Variants in ATP8B4 observed in about 807,000 individuals in gnomAD.
ATP8B4 encodes the protein ATPase phospholipid transporting 8B4 (putative).
Under a neutral mutation model 145.6 loss-of-function variants are expected in ATP8B4, and 133 were observed. That is an observed-to-expected ratio of 0.91 (90% CI 0.79 to 1.05). The LOEUF is 1.05. Ranked by LOEUF, ATP8B4 falls within the 50% of genes least tolerant of loss-of-function variation. ATP8B4 has a pLI of 0.00. For synonymous variants in ATP8B4, 507 were observed against 492.9 expected (o/e 1.03, Z -0.38); for missense variants, 1,458 against 1,425.2 (o/e 1.02, Z -0.37).
At chr15:50,166,133 A>G (rs2044596015) in intron 1 of ATP8B4, among the ~76,000 whole-genome samples, 1 of 152,180 alleles carries the variant, frequency 6.6e-6, no homozygotes, top group Non-Finnish European at 1.5e-5. Flanking sequence ...TGATATCTTG[A>G]AAGTACCAAA....
intron 7 of ATP8B4, among the ~76,000 whole-genome samples, chr15:50,003,520 A>G (rs142524397): frequency 3.9e-5 from 6 of 152,218 alleles, no homozygotes; most frequent in Non-Finnish European, 8.8e-5. Flanking sequence ...TTGGGCCAAA[A>G]ACTACCCATC....
rs780182793 is a variant in ATP8B4 at position 50,016,973 on chromosome 15, C to T, written c.363-6056G>A. ...TGTTGCCAAGGCTGGTCTTGAACTC[C>T]TGGCTTCAAGTGATTTTCCCGCCTC... On this transcript the variant is annotated intron_variant, in intron 6 of 27. Coordinates refer to ENST00000284509, the MANE Select transcript of ATP8B4 (RefSeq NM_024837.4). Among the ~76,000 whole-genome samples, 8 of 152,152 alleles carry T rather than the reference C, an allele frequency of 5.3e-5. No homozygotes were observed. In the East Asian group the frequency reaches 1.5e-3, roughly 29 times the overall value.
chr15:49,956,059 G>A lies in ATP8B4; in HGVS notation c.1287+5918C>T, dbSNP rs944528958. On this transcript the variant is annotated intron_variant, in intron 14 of 27. Transcript: ENST00000284509. The stretch of plus-strand genomic sequence containing the variant: ...AATAAAGAACAGAAAAAAATAGTGG[G>A]AAAAGATTCAATAGTAAATATGATC... Among the ~76,000 whole-genome samples, 39 of 152,068 alleles carry A rather than the reference G, an allele frequency of 2.6e-4. 2 individuals are homozygous for A. Among genetic ancestry groups the A allele is most frequent in the Middle Eastern group, 3.2e-3 (1 of 316 alleles).
chr15:50,002,079 A>T, intron 8 of ATP8B4, 74 bp downstream of exon 8: 1 of 1,238,370 alleles, frequency 8.1e-7, no homozygotes, highest in Non-Finnish European at 1.1e-6. Flanking sequence ...GAACAAGGTT[A>T]AGTCTTATCT....
intron 2 of ATP8B4, among the ~76,000 whole-genome samples, chr15:50,103,369 T>G (rs2056485712): frequency 6.6e-6 from 1 of 152,162 alleles, no homozygotes; most frequent in African/African-American, 2.4e-5. Context: ...AAAAAGCTCC[T>G]AGAAACGGTA....
At chr15:49,881,652 T>G (rs905775983) in intron 23 of ATP8B4, among the ~76,000 whole-genome samples, 2 of 152,104 alleles carry the variant, frequency 1.3e-5, no homozygotes, top group Non-Finnish European at 2.9e-5. Context: ...AGTCCACTAG[T>G]CAGGCAACCA....
intron 10 of ATP8B4, 60 bp from the exon 11 acceptor site, chr15:49,981,354 T>C: frequency 3.9e-6 from 5 of 1,294,610 alleles, no homozygotes; most frequent in Non-Finnish European, 5.4e-6. Flanking sequence ...TTCTTATTAA[T>C]GCTCATATCA....
rs556135546 is a variant in ATP8B4, at chr15:50,081,091, G to C, written c.29-6906C>G. 4.2e-3 allele frequency among the ~76,000 whole-genome samples: 639 copies of C among 150,396 alleles called. 3 individuals are homozygous for C. The highest frequency in any genetic ancestry group is 0.017 in the Middle Eastern group (5 of 294). On this transcript the variant is annotated intron_variant, in intron 2 of 27. Coordinates refer to ENST00000284509, the MANE Select transcript of ATP8B4 (RefSeq NM_024837.4). ...TCACGCCACTGCACTCCAGCCTGGG[G>C]GACAGAGCGAGACTACGTCTCAAGA...
At chr15:49,976,117 T>G (rs2045636379) in intron 12 of ATP8B4, among the ~76,000 whole-genome samples, 1 of 152,166 alleles carries the variant, frequency 6.6e-6, no homozygotes. Flanking sequence ...ACTATTTGGA[T>G]GGTAGCAGTT....
chr15:50,151,908 A>G (rs141122735), intron 1 of ATP8B4, among the ~76,000 whole-genome samples: 279 of 152,330 alleles, frequency 1.8e-3, no homozygotes, highest in Middle Eastern at 6.8e-3. Flanking sequence ...CTTTACCAAA[A>G]TGTTGTAAAC....
intron 13 of ATP8B4, among the ~76,000 whole-genome samples, chr15:49,963,976 C>T (rs1003098900): frequency 6.6e-6 from 1 of 151,886 alleles, no homozygotes; most frequent in African/African-American, 2.4e-5. Context: ...TTATAATAAA[C>T]TTGCAAAGTG....
intron 14 of ATP8B4, among the ~76,000 whole-genome samples, chr15:49,940,611 G>A (rs1413130160): frequency 1.3e-5 from 2 of 152,042 alleles, no homozygotes; most frequent in Non-Finnish European, 2.9e-5. Context: ...AAATGAGGGT[G>A]GTTTATTTGG....
chr15:50,098,126 AG>A (rs2056103262), intron 2 of ATP8B4, among the ~76,000 whole-genome samples: 1 of 152,176 alleles, frequency 6.6e-6, no homozygotes, highest in Non-Finnish European at 1.5e-5. Context: ...GGGCAAACCC[AG>A]TAAATTCTTA....
chr15:50,086,668 ATATT>A (rs1205770280), intron 2 of ATP8B4, among the ~76,000 whole-genome samples: 4 of 112,734 alleles, frequency 3.5e-5, no homozygotes, highest in Admixed American at 1.0e-4. Context: ...ATAGAGATCT[ATATT>A]TATTATATAT....
At chr15:50,134,535 C>T (rs1595634019) in intron 1 of ATP8B4, among the ~76,000 whole-genome samples, 1 of 152,102 alleles carries the variant, frequency 6.6e-6, no homozygotes, top group East Asian at 1.9e-4. Context: ...CAAAGAACAT[C>T]AAATACTGTA....
At chr15:50,134,241 A>G (rs1158907136) in intron 1 of ATP8B4, among the ~76,000 whole-genome samples, 1 of 152,158 alleles carries the variant, frequency 6.6e-6, no homozygotes, top group African/African-American at 2.4e-5. Flanking sequence ...AAAAATTAAA[A>G]GTTGGAGTTT....
intron 1 of ATP8B4, among the ~76,000 whole-genome samples, chr15:50,160,340 T>A (rs1423466421): frequency 6.6e-6 from 1 of 151,938 alleles, no homozygotes; most frequent in Non-Finnish European, 1.5e-5. Context: ...AAAATTTCAT[T>A]TCATTGATCT....
intron 1 of ATP8B4, among the ~76,000 whole-genome samples, chr15:50,110,906 T>TA (rs1436211946): frequency 7.4e-6 from 1 of 134,970 alleles, no homozygotes; most frequent in Non-Finnish European, 1.6e-5. Flanking sequence ...CTTCCATAAA[T>TA]ACTTTTTTTT....
chr15:50,057,351 T>C (rs1163768486), intron 3 of ATP8B4, among the ~76,000 whole-genome samples: 1 of 152,192 alleles, frequency 6.6e-6, no homozygotes. Flanking sequence ...CTTTGAACAG[T>C]TGTGAGGGTT....
Sources: allele counts gnomAD v4.1 joint callset (sites outside exome capture counted in the v4.1 genomes callset), GRCh38; gene constraint gnomAD v4.1.1; transcripts MANE v1.5; gene names NCBI Gene and HGNC (gene_info 2026-07-23, HGNC 2026-07-21).